Variants in SETBP1 observed in about 807,000 individuals in gnomAD.
SETBP1 encodes the protein SET binding protein 1.
Under a neutral mutation model 101.0 loss-of-function variants are expected in SETBP1, and 9 were observed. That is an observed-to-expected ratio of 0.09 (90% CI 0.05 to 0.16). SETBP1 has a LOEUF of 0.16. Among genes scored for constraint, SETBP1 ranks in the 10% least tolerant of loss-of-function variants. The pLI is 1.00. For synonymous variants in SETBP1, 818 were observed against 788.5 expected, an observed-to-expected ratio of 1.04 and a Z score of -0.63; for missense variants, 1,858 against 2,033.8, an observed-to-expected ratio of 0.91 and a Z score of 1.66.
intron 3 of SETBP1, chr18:44,871,056 T>C (rs1190651732): frequency 6.6e-6 from 1 of 152,238 alleles, no homozygotes; most frequent in Non-Finnish European, 1.5e-5. Flanking sequence ...CTGGTTCTGT[T>C]CAGCCCTTCC....
At chr18:45,027,924 T>G (rs916998821) in intron 4 of SETBP1, among the ~76,000 whole-genome samples, 2 of 152,210 alleles carry the variant, frequency 1.3e-5, no homozygotes, top group African/African-American at 4.8e-5. Flanking sequence ...GCCATCTGCA[T>G]TCCGTGATCA....
intron 2 of SETBP1, among the ~76,000 whole-genome samples, chr18:44,738,240 T>A (rs1229036968): frequency 6.6e-6 from 1 of 152,192 alleles, no homozygotes; most frequent in African/African-American, 2.4e-5. Context: ...TGCCATTGTT[T>A]GAAGAACGAC....
Position 44,861,074 on chromosome 18 carries a change from G to T in SETBP1, c.487-8156G>T, listed in dbSNP as rs954351934. 1.1e-4 allele frequency among the ~76,000 whole-genome samples: 16 copies of T among 152,002 alleles called. 1 individual carries two copies. The highest frequency in any genetic ancestry group is 5.2e-4 in the Admixed American group (8 of 15,262). On this transcript the variant is annotated intron_variant, in intron 2 of 5. Transcript: ENST00000649279. Reference sequence around the variant, plus strand: ...AGTCCAATACAATATACCAGTAAAAGTTATGTTATTCTGAATAAAGAGGGG... The same window carrying T: ...AGTCCAATACAATATACCAGTAAAATTTATGTTATTCTGAATAAAGAGGGG...
chr18:44,705,305 G>A (rs143954209), intron 2 of SETBP1, among the ~76,000 whole-genome samples: 5 of 152,180 alleles, frequency 3.3e-5, no homozygotes, highest in Admixed American at 2.0e-4. Flanking sequence ...GACTCTGACT[G>A]CTTTTTCTTA....
chr18:44,981,763 T>C (rs1038769373), intron 4 of SETBP1, among the ~76,000 whole-genome samples: 15 of 152,160 alleles, frequency 9.9e-5, no homozygotes, highest in African/African-American at 1.9e-4. Context: ...TGCTTCTTTT[T>C]CCCCCGCTTT....
In SETBP1 at chr18:44,994,640, G is replaced by C. The variant is rs144479827; in HGVS notation, c.4000+41300G>C. Among the ~76,000 whole-genome samples the C allele has an allele frequency of 3.6e-3, 555 of 152,184 alleles. 1 individual carries two copies. Among genetic ancestry groups the C allele is most frequent in the African/African-American group, 0.013 (526 of 41,510 alleles). ...ATAGCTGAACACTGGACACAACTTG[G>C]TTGCCCATTGACAATAATGTAGATA... On this transcript the variant is annotated intron_variant, in intron 4 of 5. Coordinates refer to ENST00000649279, the MANE Select transcript of SETBP1 (RefSeq NM_015559.3).
At chr18:44,828,931 T>G (rs188274516) in intron 2 of SETBP1, among the ~76,000 whole-genome samples, 27 of 152,380 alleles carry the variant, frequency 1.8e-4, no homozygotes, top group Non-Finnish European at 8.8e-5. Context: ...ATAATCTTGA[T>G]CTTGGACTTT....
chr18:45,003,422 T>A (rs1399238658), intron 4 of SETBP1, among the ~76,000 whole-genome samples: 2 of 152,146 alleles, frequency 1.3e-5, no homozygotes, highest in Non-Finnish European at 2.9e-5. Flanking sequence ...GTATGTGAGT[T>A]CAAGCCTACT....
intron 2 of SETBP1, among the ~76,000 whole-genome samples, chr18:44,726,919 G>T (rs9949121): frequency 0.38 from 58,333 of 152,038 alleles, 11,417 homozygotes; most frequent in Middle Eastern, 0.52. Flanking sequence ...AAATCCATTT[G>T]CCATTGATCT....
In SETBP1 at chr18:44,704,128, C is replaced by T. The variant is rs545151910; in HGVS notation, c.486+2296C>T. Among the ~76,000 whole-genome samples the T allele has an allele frequency of 6.6e-5, 10 of 152,234 alleles. No homozygotes were observed. In the South Asian group the frequency reaches 2.1e-3, roughly 32 times the overall value. On this transcript the variant is annotated intron_variant, in intron 2 of 5. Coordinates refer to ENST00000649279, the MANE Select transcript of SETBP1 (RefSeq NM_015559.3). ...TTTTCCTAAAGCCACTGATTGTTCC[C>T]AAATATAGCTTTCTCCCCATTGGAA...
intron 4 of SETBP1, among the ~76,000 whole-genome samples, chr18:45,009,385 T>C (rs1374564900): frequency 6.6e-6 from 1 of 151,260 alleles, no homozygotes; most frequent in Non-Finnish European, 1.5e-5. Context: ...GGTGGGAAGA[T>C]AATGACTGCG....
At chr18:44,846,350 A>G (rs964420999) in intron 2 of SETBP1, among the ~76,000 whole-genome samples, 2 of 152,234 alleles carry the variant, frequency 1.3e-5, no homozygotes, top group Non-Finnish European at 2.9e-5. Flanking sequence ...AAAGTTGTGC[A>G]ACCATCTCCA....
intron 2 of SETBP1, among the ~76,000 whole-genome samples, chr18:44,784,287 C>G (rs1463312237): frequency 6.6e-6 from 1 of 152,172 alleles, no homozygotes; most frequent in Non-Finnish European, 1.5e-5. Context: ...TTCATTCATT[C>G]TTATAACATT....
chr18:44,928,508 G>GTC (rs1389836036), intron 3 of SETBP1, among the ~76,000 whole-genome samples: 1 of 152,222 alleles, frequency 6.6e-6, no homozygotes, highest in African/African-American at 2.4e-5. Flanking sequence ...TTGCCACACT[G>GTC]TCTTCCACAA....
chr18:44,975,055 C>T (rs2071956341), intron 4 of SETBP1, among the ~76,000 whole-genome samples: 1 of 152,154 alleles, frequency 6.6e-6, no homozygotes, highest in Non-Finnish European at 1.5e-5. Flanking sequence ...CTTATCAATG[C>T]CACACAAGGT....
intron 2 of SETBP1, among the ~76,000 whole-genome samples, chr18:44,864,363 C>T (rs1344826650): frequency 1.3e-5 from 2 of 152,128 alleles, no homozygotes; most frequent in Non-Finnish European, 2.9e-5. Flanking sequence ...GGGATTTCTA[C>T]TCTCACCTCC....
intron 2 of SETBP1, among the ~76,000 whole-genome samples, chr18:44,864,233 A>G (rs997881992): frequency 6.6e-6 from 1 of 152,168 alleles, no homozygotes; most frequent in African/African-American, 2.4e-5. Flanking sequence ...TCACAAGGGA[A>G]TGCTAGTGGC....
intron 2 of SETBP1, among the ~76,000 whole-genome samples, chr18:44,807,380 C>G (rs776967261): frequency 4.1e-4 from 62 of 151,776 alleles, no homozygotes; most frequent in Non-Finnish European, 7.1e-4. Flanking sequence ...TTATTTTACT[C>G]AATTCAGAAT....
At chr18:44,849,448 G>A (rs554017432) in intron 2 of SETBP1, among the ~76,000 whole-genome samples, 3 of 152,132 alleles carry the variant, frequency 2.0e-5, no homozygotes, top group Non-Finnish European at 4.4e-5. Context: ...AAGAGGACTC[G>A]ATGTGAATAT....
Sources: allele counts gnomAD v4.1 joint callset (sites outside exome capture counted in the v4.1 genomes callset), GRCh38; gene constraint gnomAD v4.1.1; transcripts MANE v1.5; gene names NCBI Gene and HGNC (gene_info 2026-07-23, HGNC 2026-07-21).